Variants in STPG2 observed in about 807,000 individuals in gnomAD.
STPG2 encodes the protein sperm-tail PG-rich repeat-containing protein 2.
In STPG2, 56 loss-of-function variants were observed where a neutral mutation model predicts 54.2. The ratio of observed to expected loss-of-function variants is 1.03; its 90% CI spans 0.83 to 1.29. The LOEUF (loss-of-function observed/expected upper bound fraction) is 1.29, where lower values mean the gene tolerates loss of function less well. Among genes scored for constraint, STPG2 ranks in the 50% most tolerant of loss-of-function variants. The probability of loss-of-function intolerance (pLI) is 0.00; values close to 1 mark genes in which losing one functional copy is unlikely to be tolerated. For synonymous variants in STPG2, 200 were observed against 181.8 expected (o/e 1.10, Z -0.81); for missense variants, 596 against 544.9 (o/e 1.09, Z -0.93).
In STPG2 at chr4:98,109,206, A is replaced by G; in HGVS notation, c.487T>C (p.Tyr163His). 1.3e-6 allele frequency: 2 copies of G among 1,596,890 alleles called. No homozygotes were observed. The change falls in exon 4 of 11, where the codon TAT becomes CAT. Residue 163 changes from tyrosine (Y) to histidine (H), a missense_variant. Physicochemically the swap from Tyr to His is moderately conservative, Grantham distance 83. Coordinates refer to ENST00000295268, the MANE Select transcript of STPG2 (RefSeq NM_174952.3). ...TTTTTTACTTACTGGACTATATCAT[A>G]CTGTCCTGGACCAGGACCTGACTTT... Reference protein sequence around the residue: ...PKKSGPGPGQYDIVQKKTSYY... With the variant: ...PKKSGPGPGQHDIVQKKTSYY...
At chr4:97,671,152 C>G (rs186495384) in intron 10 of STPG2, among the ~76,000 whole-genome samples, 2 of 152,268 alleles carry the variant, frequency 1.3e-5, no homozygotes, top group African/African-American at 4.8e-5. Flanking sequence ...TTATTTTCAG[C>G]TTTTCTAAAA....
chr4:97,947,846 G>A (rs1733298575), intron 7 of STPG2, among the ~76,000 whole-genome samples: 1 of 151,952 alleles, frequency 6.6e-6, no homozygotes, highest in African/African-American at 2.4e-5. Flanking sequence ...ATTCATCAGG[G>A]ATATTGGTCT....
In STPG2 at chr4:98,039,683, C is replaced by CAT. The variant is rs774777593; in HGVS notation, c.613-58367_613-58366dup. Among the ~76,000 whole-genome samples, 363 of 101,986 alleles carry CAT rather than the reference C, an allele frequency of 3.6e-3. 3 individuals are homozygous for CAT. Among genetic ancestry groups the CAT allele is most frequent in the East Asian group, 0.013 (49 of 3,840 alleles). The allele number at this position is 101,986 out of a possible 152,430, so 66.9% of individuals were successfully genotyped here. A position where few individuals can be genotyped will look rare whatever the true frequency, so the allele number is the denominator to read the frequency against. ...ACCCCTTAAAATTACATATGTGATA[C>CAT]ATATATATATATATATCTCACATTT... is the stretch of plus-strand genomic sequence containing the variant. On this transcript the variant is annotated intron_variant, in intron 5 of 10. Coordinates refer to ENST00000295268, the MANE Select transcript of STPG2 (RefSeq NM_174952.3).
intron 8 of STPG2, among the ~76,000 whole-genome samples, chr4:97,921,272 C>A (rs1732096264): frequency 6.6e-6 from 1 of 152,116 alleles, no homozygotes; most frequent in Non-Finnish European, 1.5e-5. Context: ...CCTGCTCCGG[C>A]AGCCCCAGGA....
At chr4:98,033,190 AATAG>A (rs1163854338) in intron 5 of STPG2, among the ~76,000 whole-genome samples, 2 of 152,142 alleles carry the variant, frequency 1.3e-5, no homozygotes, top group Admixed American at 1.3e-4. Context: ...AGATCAACAA[AATAG>A]ATAGACTGCT....
chr4:97,464,490 C>T (rs1189649793), intron 4 of STPG2, among the ~76,000 whole-genome samples: 2 of 152,096 alleles, frequency 1.3e-5, no homozygotes, highest in Admixed American at 1.3e-4. Flanking sequence ...GATCTTGGCT[C>T]ACTAAAACCT....
intron 4 of STPG2, chr4:97,489,918 T>C (rs1220243571): frequency 6.6e-6 from 1 of 151,268 alleles, no homozygotes; most frequent in African/African-American, 2.4e-5. Flanking sequence ...ATCCATACTA[T>C]ATGAAGAGAA....
At chr4:97,986,049 C>T (rs550435520) in intron 5 of STPG2, among the ~76,000 whole-genome samples, 1 of 152,098 alleles carries the variant, frequency 6.6e-6, no homozygotes, top group Non-Finnish European at 1.5e-5. Flanking sequence ...TTGCTTGATG[C>T]AGAAATCTAG....
intron 5 of STPG2, among the ~76,000 whole-genome samples, chr4:98,055,563 C>A (rs532608764): frequency 6.6e-6 from 1 of 152,256 alleles, no homozygotes; most frequent in Admixed American, 6.5e-5. Flanking sequence ...CAGGAAGGGA[C>A]CCTTCAACTA....
intron 9 of STPG2, among the ~76,000 whole-genome samples, chr4:97,810,393 G>A (rs1037802138): frequency 7.9e-5 from 12 of 151,614 alleles, no homozygotes; most frequent in African/African-American, 2.2e-4. Context: ...GAACCCGGGG[G>A]GCAGAGGTTG....
chr4:98,040,164 TG>T (rs1736905033), intron 5 of STPG2, among the ~76,000 whole-genome samples: 1 of 151,906 alleles, frequency 6.6e-6, no homozygotes, highest in Non-Finnish European at 1.5e-5. Context: ...CACTCTTTAT[TG>T]GGGCTTTTAG....
chr4:98,072,425 C>A (rs6831219), intron 5 of STPG2, among the ~76,000 whole-genome samples: 60,100 of 151,792 alleles, frequency 0.4, 12,143 homozygotes, highest in Middle Eastern at 0.46. Context: ...AGAGGGACAG[C>A]ATCAGGAATA....
chr4:97,640,640 A>G (rs59901031), intron 10 of STPG2, among the ~76,000 whole-genome samples: 20,692 of 151,678 alleles, frequency 0.14, 4,101 homozygotes, highest in African/African-American at 0.44. Context: ...TAACTTAGAA[A>G]ATAAAAGAGC....
chr4:98,094,637 G>A (rs1246260600), intron 5 of STPG2, among the ~76,000 whole-genome samples: 1 of 152,102 alleles, frequency 6.6e-6, no homozygotes, highest in Non-Finnish European at 1.5e-5. Context: ...CCCAGGCCAG[G>A]CAGCATTCAT....
intron 4 of STPG2, among the ~76,000 whole-genome samples, chr4:97,489,462 A>G (rs1451917897): frequency 6.6e-6 from 1 of 151,716 alleles, no homozygotes; most frequent in Non-Finnish European, 1.5e-5. Flanking sequence ...GAGAGGCTAC[A>G]TATAGTCAAA....
chr4:97,755,616 A>G (rs1725703038), intron 9 of STPG2, among the ~76,000 whole-genome samples: 1 of 152,186 alleles, frequency 6.6e-6, no homozygotes, highest in East Asian at 1.9e-4. Flanking sequence ...GCTCTCAAGA[A>G]TAGACTGTCA....
intron 5 of STPG2, among the ~76,000 whole-genome samples, chr4:98,085,462 C>T (rs896531241): frequency 6.6e-6 from 1 of 151,912 alleles, no homozygotes; most frequent in Non-Finnish European, 1.5e-5. Flanking sequence ...ACATTGAATC[C>T]GTAGATTAAT....
Position 97,600,341 on chromosome 4 carries a change from T to C in STPG2, c.1321-41224A>G, listed in dbSNP as rs534207463. Among the ~76,000 whole-genome samples the C allele has an allele frequency of 4.6e-5, 7 of 152,304 alleles. No homozygotes were observed. In the South Asian group the frequency reaches 1.2e-3, roughly 27 times the overall value. ...CCTTGTACCAGAACATGCTAGGTGC[T>C]AGAATATAAACATGTCTAAAATAAA... On this transcript the variant is annotated intron_variant, in intron 10 of 10. Coordinates refer to ENST00000295268, the MANE Select transcript of STPG2 (RefSeq NM_174952.3).
In STPG2 at chr4:97,849,984, C is replaced by T. The variant is rs571974703; in HGVS notation, c.1045-9052G>A. ...GACACATGCACACGTATGTTTATTGCGGCATTATTCACGATAGCAAAGACT... is the reference window on the plus strand; with the variant it reads ...GACACATGCACACGTATGTTTATTGTGGCATTATTCACGATAGCAAAGACT... On this transcript the variant is annotated intron_variant, in intron 8 of 10. Transcript: ENST00000295268. 5.2e-4 allele frequency among the ~76,000 whole-genome samples: 79 copies of T among 151,838 alleles called. No homozygotes were observed. The South Asian group carries it at 0.013, about 25-fold the overall frequency.
Sources: allele counts gnomAD v4.1 joint callset (sites outside exome capture counted in the v4.1 genomes callset), GRCh38; gene constraint gnomAD v4.1.1; transcripts MANE v1.5; gene names NCBI Gene and HGNC (gene_info 2026-07-23, HGNC 2026-07-21).